The following CADPS2 variants were observed in gnomAD, a reference collection of about 807,000 sequenced individuals.
CADPS2 encodes the protein calcium dependent secretion activator 2, also known as calcium-dependent secretion activator 2.
A neutral mutation model predicts 172.5 loss-of-function variants in CADPS2; 93 were observed. That is an observed-to-expected ratio of 0.54 (90% confidence interval 0.46 to 0.64). The LOEUF is 0.64. Among genes scored for constraint, CADPS2 ranks in the 30% least tolerant of loss-of-function variants. The pLI is 0.00. For synonymous variants in CADPS2, 546 were observed against 555.2 expected, an observed-to-expected ratio of 0.98 and a Z score of 0.23; for missense variants, 1,420 against 1,565.9, an observed-to-expected ratio of 0.91 and a Z score of 1.57.
At chr7:122,503,537 T>A (rs1407096145) in intron 9 of CADPS2, among the ~76,000 whole-genome samples, 1 of 152,206 alleles carries the variant, frequency 6.6e-6, no homozygotes, top group African/African-American at 2.4e-5. Flanking sequence ...AGTTTAATAC[T>A]AATATGATTG....
chr7:122,583,235 C>T (rs1055938555), intron 6 of CADPS2, among the ~76,000 whole-genome samples: 19 of 151,950 alleles, frequency 1.3e-4, no homozygotes, highest in African/African-American at 4.3e-4. Context: ...TATTTTTATA[C>T]AATGATATAT....
chr7:122,329,858 C>T (rs112969775), intron 28 of CADPS2, among the ~76,000 whole-genome samples: 8 of 152,248 alleles, frequency 5.3e-5, no homozygotes, highest in Middle Eastern at 3.4e-3. Flanking sequence ...TTATATATCA[C>T]GGCTGCTTCA....
At chr7:122,350,318 A>G (rs563127830) in intron 27 of CADPS2, among the ~76,000 whole-genome samples, 23 of 152,330 alleles carry the variant, frequency 1.5e-4, no homozygotes, top group African/African-American at 5.5e-4. Context: ...TGATCATAGA[A>G]CATAGTTCTA....
chr7:122,805,361 T>C (rs1360059261), intron 1 of CADPS2, among the ~76,000 whole-genome samples: 6 of 152,190 alleles, frequency 3.9e-5, no homozygotes, highest in East Asian at 1.9e-4. Context: ...GTTTTCAGCA[T>C]GTTGGCCAGG....
intron 14 of CADPS2, among the ~76,000 whole-genome samples, chr7:122,462,196 A>T (rs2054537753): frequency 6.6e-6 from 1 of 152,174 alleles, no homozygotes; most frequent in African/African-American, 2.4e-5. Context: ...ATATAACTAA[A>T]ATACCACAGA....
chr7:122,359,389 G>A (rs1563143725), intron 27 of CADPS2, among the ~76,000 whole-genome samples: 1 of 152,092 alleles, frequency 6.6e-6, no homozygotes, highest in Non-Finnish European at 1.5e-5. Context: ...AGGGATGTTA[G>A]AGAGGGGTTA....
chr7:122,421,298 C>T (rs970428341), intron 17 of CADPS2, among the ~76,000 whole-genome samples: 5 of 152,088 alleles, frequency 3.3e-5, no homozygotes, highest in Non-Finnish European at 7.3e-5. Flanking sequence ...TTTTAAATGT[C>T]CTCACCTCCA....
chr7:122,697,965 T>C, intron 2 of CADPS2: 1 of 1,613,472 alleles, frequency 6.2e-7, no homozygotes, highest in Non-Finnish European at 8.5e-7. Context: ...ACATTAGAAC[T>C]TGCAAAGGTT....
At chr7:122,366,685 GTATATATATA>G (rs34421933) in intron 25 of CADPS2, 2 of 126,768 alleles carry the variant, frequency 1.6e-5, no homozygotes, top group Non-Finnish European at 3.2e-5. Context: ...ATATATATAC[GTATATATATA>G]TATACGTATA....
At chr7:122,864,832 C>T (rs1817873406) in intron 1 of CADPS2, among the ~76,000 whole-genome samples, 1 of 152,174 alleles carries the variant, frequency 6.6e-6, no homozygotes, top group Non-Finnish European at 1.5e-5. Context: ...GGCCAAATGG[C>T]TGCTCTAACT....
chr7:122,582,728 A>G (rs533959567), intron 6 of CADPS2, among the ~76,000 whole-genome samples: 112 of 152,208 alleles, frequency 7.4e-4, no homozygotes, highest in Middle Eastern at 3.4e-3. Context: ...ATACCCTTTT[A>G]AATTCAGTGT....
intron 11 of CADPS2, among the ~76,000 whole-genome samples, chr7:122,486,613 GACA>G (rs777519186): frequency 1.1e-4 from 16 of 152,174 alleles, no homozygotes; most frequent in Non-Finnish European, 1.5e-4. Flanking sequence ...TTGTTGAAAG[GACA>G]ACAAATGATT....
At chr7:122,637,171 CTTTTTT>C (rs71161313) in intron 3 of CADPS2, among the ~76,000 whole-genome samples, 9 of 53,892 alleles carry the variant, frequency 1.7e-4, no homozygotes, top group Admixed American at 2.2e-4. Context: ...TGAAATTTTG[CTTTTTT>C]TTTTTTTTTT....
intron 2 of CADPS2, among the ~76,000 whole-genome samples, chr7:122,684,033 TCTTA>T (rs1337286704): frequency 9.9e-5 from 15 of 152,192 alleles, no homozygotes; most frequent in South Asian, 2.1e-4. Context: ...TGGATAATTG[TCTTA>T]CTTACTTACT....
chr7:122,689,672 C>A (rs1253770347), intron 2 of CADPS2, among the ~76,000 whole-genome samples: 3 of 152,190 alleles, frequency 2.0e-5, no homozygotes, highest in Non-Finnish European at 4.4e-5. Flanking sequence ...TGTGCCCTCA[C>A]AGACCCATCA....
At chr7:122,591,299 A>G (rs1587654842) in intron 6 of CADPS2, among the ~76,000 whole-genome samples, 2 of 152,292 alleles carry the variant, frequency 1.3e-5, no homozygotes, top group African/African-American at 4.8e-5. Flanking sequence ...GGAACTCTTC[A>G]AAGAGAACTT....
intron 11 of CADPS2, among the ~76,000 whole-genome samples, chr7:122,486,011 G>A (rs1452251585): frequency 6.6e-6 from 1 of 152,046 alleles, no homozygotes; most frequent in Non-Finnish European, 1.5e-5. Flanking sequence ...CCACTGCTGA[G>A]GCCTGATGCT....
chr7:122,797,612 C>A (rs1344222447), intron 1 of CADPS2, among the ~76,000 whole-genome samples: 1 of 152,056 alleles, frequency 6.6e-6, no homozygotes, highest in East Asian at 1.9e-4. Flanking sequence ...AACTAAATAC[C>A]ACGTTATCAT....
chr7:122,714,883 A>G (rs996184660), intron 2 of CADPS2, among the ~76,000 whole-genome samples: 3 of 152,130 alleles, frequency 2.0e-5, no homozygotes, highest in African/African-American at 7.2e-5. Flanking sequence ...ACTGCAGTGA[A>G]GTAGACACTA....
Sources: allele counts gnomAD v4.1 joint callset (sites outside exome capture counted in the v4.1 genomes callset), GRCh38; gene constraint gnomAD v4.1.1; transcripts MANE v1.5; gene names NCBI Gene and HGNC (gene_info 2026-07-23, HGNC 2026-07-21).